EBF2: variants seen among roughly 807,000 people sequenced by gnomAD.
EBF2 encodes EBF transcription factor 2, also known as transcription factor COE2.
Under a neutral mutation model 72.8 loss-of-function variants are expected in EBF2, and 21 were observed. That is an observed-to-expected ratio of 0.29 (90% confidence interval 0.20 to 0.42). The LOEUF (loss-of-function observed/expected upper bound fraction) is 0.42, where lower values mean the gene tolerates loss of function less well. Ranked by LOEUF, EBF2 falls within the 10% of genes least tolerant of loss-of-function variation. The probability of loss-of-function intolerance (pLI) is 1.00; values close to 1 mark genes in which losing one functional copy is unlikely to be tolerated. For synonymous variants in EBF2, 299 were observed against 274.2 expected, an observed-to-expected ratio of 1.09 and a Z score of -0.89; for missense variants, 637 against 731.2, an observed-to-expected ratio of 0.87 and a Z score of 1.49.
In EBF2 at chr8:25,844,299, CTTAAATATTTT is replaced by C. The variant is rs1801788951; in HGVS notation, c.*299_*309del. On this transcript the variant is annotated 3_prime_UTR_variant, in exon 16 of 16. Coordinates refer to ENST00000520164, the MANE Select transcript of EBF2 (RefSeq NM_022659.4). ...AGCATTAATTGTTTGCCAATTTTTT[CTTAAATATTTT>C]ACAAACATAGGAAGGTGGTTTTCAT... The C allele has an allele frequency of 4.4e-6, 1 of 228,104 alleles. No individual in the cohort carries two copies. The allele number at this position is 228,104 out of a possible 1,614,324, so 14.1% of individuals were successfully genotyped here.
chr8:26,001,706 GCCCA>G (rs1804728769), intron 6 of EBF2, among the ~76,000 whole-genome samples: 3 of 152,040 alleles, frequency 2.0e-5, no homozygotes, highest in African/African-American at 4.8e-5. Context: ...GCGCCACCAT[GCCCA>G]GCTAATTTTG....
chr8:25,885,167 T>A (rs978499476), intron 10 of EBF2, among the ~76,000 whole-genome samples: 5 of 152,056 alleles, frequency 3.3e-5, no homozygotes, highest in African/African-American at 1.2e-4. Context: ...CAATGCCTTC[T>A]TATTTTCTGA....
intron 6 of EBF2, among the ~76,000 whole-genome samples, chr8:26,019,982 C>T (rs1475932932): frequency 6.6e-6 from 1 of 152,086 alleles, no homozygotes; most frequent in Non-Finnish European, 1.5e-5. Flanking sequence ...TCAGGGGGCT[C>T]AAAGGATAAG....
intron 6 of EBF2, among the ~76,000 whole-genome samples, chr8:25,928,580 G>C (rs991821856): frequency 6.6e-6 from 1 of 152,070 alleles, no homozygotes; most frequent in African/African-American, 2.4e-5. Flanking sequence ...CAGAGCCCAA[G>C]AATATTTATA....
intron 6 of EBF2, among the ~76,000 whole-genome samples, chr8:25,996,073 G>C (rs1315955379): frequency 6.6e-6 from 1 of 152,068 alleles, no homozygotes; most frequent in African/African-American, 2.4e-5. Context: ...GCCTGAGACT[G>C]GCAGATCACT....
chr8:25,875,301 T>C (rs2117277536), intron 10 of EBF2, among the ~76,000 whole-genome samples: 1 of 152,328 alleles, frequency 6.6e-6, no homozygotes, highest in Admixed American at 6.5e-5. Flanking sequence ...CCTTTGCATA[T>C]GTATGTAATT....
intron 6 of EBF2, among the ~76,000 whole-genome samples, chr8:26,002,958 G>T (rs1269206563): frequency 1.3e-5 from 2 of 149,838 alleles, no homozygotes; most frequent in Non-Finnish European, 3.0e-5. Flanking sequence ...GGGCAGGCAG[G>T]CAGGCAGGCA....
At chr8:25,993,278 T>C (rs1804574198) in intron 6 of EBF2, among the ~76,000 whole-genome samples, 1 of 152,200 alleles carries the variant, frequency 6.6e-6, no homozygotes, top group Admixed American at 6.5e-5. Context: ...TTAAGCACTT[T>C]GCAAATGCCC....
intron 6 of EBF2, among the ~76,000 whole-genome samples, chr8:25,972,102 C>T (rs1804199894): frequency 6.6e-6 from 1 of 152,270 alleles, no homozygotes; most frequent in South Asian, 2.1e-4. Context: ...GTGGCTGTTC[C>T]CCGGAATGCA....
At chr8:25,895,786 G>A (rs10089359) in intron 7 of EBF2, among the ~76,000 whole-genome samples, 11,387 of 152,242 alleles carry the variant, frequency 0.075, 1,081 homozygotes, top group African/African-American at 0.21. Flanking sequence ...TTTTCCAATA[G>A]AGGAGTTATT....
intron 1 of EBF2, among the ~76,000 whole-genome samples, chr8:26,042,641 C>T (rs1805625214): frequency 6.6e-6 from 1 of 152,230 alleles, no homozygotes; most frequent in African/African-American, 2.4e-5. Flanking sequence ...TCAGGTGGTA[C>T]TGCTGGGTGT....
At chr8:25,893,632 C>G (rs1413562835) in intron 7 of EBF2, among the ~76,000 whole-genome samples, 1 of 152,106 alleles carries the variant, frequency 6.6e-6, no homozygotes, top group Non-Finnish European at 1.5e-5. Context: ...AACCTGGGCC[C>G]TGTCTGAGGA....
intron 6 of EBF2, among the ~76,000 whole-genome samples, chr8:25,913,319 T>G (rs1340760461): frequency 1.3e-5 from 2 of 151,972 alleles, no homozygotes; most frequent in East Asian, 3.9e-4. Flanking sequence ...CATGCACCTG[T>G]AGTCCCAGCT....
At chr8:25,931,118 A>T (rs1365073329) in intron 6 of EBF2, among the ~76,000 whole-genome samples, 1 of 152,176 alleles carries the variant, frequency 6.6e-6, no homozygotes, top group African/African-American at 2.4e-5. Context: ...AGAAACTTGG[A>T]TGTTTTCATT....
At chr8:25,953,924 T>G (rs1376668436) in intron 6 of EBF2, among the ~76,000 whole-genome samples, 1 of 152,172 alleles carries the variant, frequency 6.6e-6, no homozygotes, top group East Asian at 1.9e-4. Context: ...GCACATTAGG[T>G]TGCATATTAA....
chr8:25,851,392 T>G (rs1801968559), intron 14 of EBF2, among the ~76,000 whole-genome samples: 2 of 113,492 alleles, frequency 1.8e-5, no homozygotes, highest in African/African-American at 8.6e-5. Flanking sequence ...CCTGACATAA[T>G]GTTTAGAAAA....
At chr8:26,009,106 CGAAAA>C (rs1294913735) in intron 6 of EBF2, among the ~76,000 whole-genome samples, 5 of 10,682 alleles carry the variant, frequency 4.7e-4, no homozygotes, top group Admixed American at 1.7e-3. Context: ...TGAGTAAAAG[CGAAAA>C]AAAAAAAAAA....
chr8:25,926,845 C>T lies in EBF2; in HGVS notation c.552-18290G>A, dbSNP rs115549723. On this transcript the variant is annotated intron_variant, in intron 6 of 15. Coordinates refer to ENST00000520164, the MANE Select transcript of EBF2 (RefSeq NM_022659.4). ...AAATTCACCAAACTGCCCTGAAGAT[C>T]TGAGCAAAGGATCTCCAACAGATCA... is the stretch of plus-strand genomic sequence containing the variant. Among the ~76,000 whole-genome samples the T allele has an allele frequency of 6.1e-3, 930 of 152,300 alleles. 15 individuals are homozygous for T. The highest frequency in any genetic ancestry group is 0.021 in the African/African-American group (882 of 41,572).
intron 14 of EBF2, among the ~76,000 whole-genome samples, chr8:25,851,378 C>T (rs1330456506): frequency 7.3e-6 from 1 of 136,828 alleles, no homozygotes; most frequent in Admixed American, 7.3e-5. Flanking sequence ...GCAAGTCGGC[C>T]TCCCCTGACA....
Sources: gnomAD v4.1 joint callset for allele counts (sites outside exome capture counted in the v4.1 genomes callset) on GRCh38, gnomAD v4.1.1 for gene constraint, MANE v1.5 for transcripts, NCBI Gene and HGNC (gene_info 2026-07-23, HGNC 2026-07-21) for gene names.